Variants in CRADD observed in about 807,000 individuals in gnomAD.
CRADD encodes CARD and death domain containing adaptor protein.
Under a neutral mutation model 15.5 loss-of-function variants are expected in CRADD, and 9 were observed. That is an observed-to-expected ratio of 0.58 (90% confidence interval 0.35 to 1.01). The LOEUF (loss-of-function observed/expected upper bound fraction) is 1.01. Ranked by LOEUF, CRADD falls within the 50% of genes least tolerant of loss-of-function variation. CRADD has a pLI of 0.02. For synonymous variants in CRADD, 118 were observed against 107.6 expected (o/e 1.10, Z -0.60); for missense variants, 227 against 250.3 (o/e 0.91, Z 0.63).
rs573438161 is a variant in CRADD, at chr12:93,839,540, G to T, written c.299-10430G>T. Among the ~76,000 whole-genome samples, 4 of 152,286 alleles carry T rather than the reference G, an allele frequency of 2.6e-5. No individual in the cohort carries two copies. The East Asian group carries it at 7.7e-4, about 29-fold the overall frequency. On this transcript the variant is annotated intron_variant, in intron 2 of 2. Transcript: ENST00000332896. ...ACACTGCCAACTTGCTGGCCAGTAC[G>T]ACTGTCCGATCTTTATTTCCATTGG...
chr12:93,887,656 T>G (rs1477459876), intron 2 of CRADD, among the ~76,000 whole-genome samples: 1 of 152,226 alleles, frequency 6.6e-6, no homozygotes, highest in Non-Finnish European at 1.5e-5. Flanking sequence ...GCAAGCACAC[T>G]CTTTCCTAGT....
intron 2 of CRADD, among the ~76,000 whole-genome samples, chr12:93,680,924 G>T (rs1167635964): frequency 6.7e-6 from 1 of 150,354 alleles, no homozygotes; most frequent in Non-Finnish European, 1.5e-5. Flanking sequence ...CACTCTTGTT[G>T]CCCAGGCTGG....
intron 2 of CRADD, among the ~76,000 whole-genome samples, chr12:93,786,926 A>G (rs12302839): frequency 0.038 from 5,784 of 152,232 alleles, 272 homozygotes; most frequent in East Asian, 0.19. Context: ...GAATAATGTA[A>G]AGATGACCAA....
chr12:93,874,328 C>CT (rs568736302), intron 2 of CRADD, among the ~76,000 whole-genome samples: 3 of 151,788 alleles, frequency 2.0e-5, no homozygotes, highest in Non-Finnish European at 4.4e-5. Context: ...CATCTTTTCT[C>CT]TTTTTTTCTT....
rs1225571638 is a variant in CRADD, at chr12:93,681,980, T to C, written c.298+2908T>C. ...GAAATTATGCATTTAAACTTGATAGTTAACACCTTCTCTTGTTTCAGAACT... is the reference window on the plus strand; with the variant it reads ...GAAATTATGCATTTAAACTTGATAGCTAACACCTTCTCTTGTTTCAGAACT... On this transcript the variant is annotated intron_variant, in intron 2 of 2. Coordinates refer to ENST00000332896, the MANE Select transcript of CRADD (RefSeq NM_003805.5). 2.6e-5 allele frequency among the ~76,000 whole-genome samples: 4 copies of C among 152,332 alleles called. No homozygotes were observed. In the East Asian group the frequency reaches 7.7e-4, roughly 29 times the overall value.
intron 2 of CRADD, among the ~76,000 whole-genome samples, chr12:93,761,032 G>A (rs752639511): frequency 2.0e-5 from 3 of 152,082 alleles, no homozygotes; most frequent in Non-Finnish European, 4.4e-5. Flanking sequence ...TAGCGAACAG[G>A]GTGAGAAGGG....
At chr12:93,768,780 T>C (rs10777543) in intron 2 of CRADD, among the ~76,000 whole-genome samples, 76,034 of 151,910 alleles carry the variant, frequency 0.5, 19,596 homozygotes, top group East Asian at 0.81. Context: ...TTTACTGCCC[T>C]CTACTTAGGT....
intron 2 of CRADD, among the ~76,000 whole-genome samples, chr12:93,887,451 G>T (rs750277999): frequency 6.6e-6 from 1 of 152,226 alleles, no homozygotes; most frequent in Non-Finnish European, 1.5e-5. Context: ...CTGGCAAGAA[G>T]AAATTAAGCG....
intron 2 of CRADD, among the ~76,000 whole-genome samples, chr12:93,683,178 G>A (rs1340758516): frequency 6.6e-6 from 1 of 152,176 alleles, no homozygotes; most frequent in Non-Finnish European, 1.5e-5. Flanking sequence ...AAAGGAGGTT[G>A]ATGGCAGCCC....
chr12:93,802,250 C>A (rs1266564003), intron 2 of CRADD, among the ~76,000 whole-genome samples: 1 of 152,192 alleles, frequency 6.6e-6, no homozygotes, highest in Admixed American at 6.5e-5. Context: ...ACTTTTAGTT[C>A]TTTAAGGAAT....
chr12:93,847,380 GATAAAA>G (rs1036774914), intron 2 of CRADD, among the ~76,000 whole-genome samples: 1 of 144,502 alleles, frequency 6.9e-6, no homozygotes, highest in Non-Finnish European at 1.5e-5. Context: ...AATATAAAAA[GATAAAA>G]ATAATATAAA....
intron 2 of CRADD, among the ~76,000 whole-genome samples, chr12:93,890,431 C>T (rs1958568006): frequency 6.6e-6 from 1 of 152,124 alleles, no homozygotes; most frequent in Non-Finnish European, 1.5e-5. Flanking sequence ...AAGAATCTCC[C>T]AATTTTTAAA....
intron 2 of CRADD, among the ~76,000 whole-genome samples, chr12:93,877,772 G>T (rs889330614): frequency 3.9e-5 from 6 of 152,088 alleles, no homozygotes; most frequent in African/African-American, 1.4e-4. Flanking sequence ...GCCCAGGACA[G>T]GTCCAGAAAT....
rs544010025 is a variant in CRADD at position 93,757,990 on chromosome 12, A to C, written c.298+78918A>C. On this transcript the variant is annotated intron_variant, in intron 2 of 2. Coordinates refer to ENST00000332896, the MANE Select transcript of CRADD (RefSeq NM_003805.5). ...GTTGGACTCAGCATACATTGGAAGAAGAGGGCACAGGACCCTGTGTCAGAT... is the reference window on the plus strand; with the variant it reads ...GTTGGACTCAGCATACATTGGAAGACGAGGGCACAGGACCCTGTGTCAGAT... Among the ~76,000 whole-genome samples, 9 of 152,320 alleles carry C rather than the reference A, an allele frequency of 5.9e-5. No individual in the cohort carries two copies. The South Asian group carries it at 1.9e-3, about 32-fold the overall frequency.
intron 2 of CRADD, among the ~76,000 whole-genome samples, chr12:93,889,536 C>T (rs1958561773): frequency 1.3e-5 from 2 of 152,274 alleles, no homozygotes; most frequent in South Asian, 2.1e-4. Flanking sequence ...TCACCCTTGC[C>T]CTCCACTGCA....
chr12:93,834,482 A>G (rs1957952009), intron 2 of CRADD, among the ~76,000 whole-genome samples: 1 of 152,042 alleles, frequency 6.6e-6, no homozygotes, highest in South Asian at 2.1e-4. Context: ...GTTGTTTAAA[A>G]TTAGTTTGGT....
At chr12:93,815,260 C>G (rs559830658) in intron 2 of CRADD, 20 of 152,282 alleles carry the variant, frequency 1.3e-4, no homozygotes, top group Middle Eastern at 3.4e-3. Flanking sequence ...TAAGATTGTA[C>G]TTTATTTTGC....
In CRADD at chr12:93,824,119, T is replaced by A. The variant is rs1046987137; in HGVS notation, c.299-25851T>A. 6.6e-6 allele frequency among the ~76,000 whole-genome samples: 1 copy of A among 152,210 alleles called. No homozygotes were observed. The highest frequency in any genetic ancestry group is 1.5e-5 in the Non-Finnish European group (1 of 68,036). ...TTATTTGTAATACCCTACTTTGATG[T>A]TTCCTGGAAACTCTCCTTTGAGTCT... On this transcript the variant is annotated intron_variant, in intron 2 of 2. Coordinates refer to ENST00000332896, the MANE Select transcript of CRADD (RefSeq NM_003805.5). The surrounding 1 kb of genome is among the most constrained non-coding windows in gnomAD (Gnocchi z 4.3).
chr12:93,844,738 C>T (rs1958093373), intron 2 of CRADD, among the ~76,000 whole-genome samples: 1 of 152,152 alleles, frequency 6.6e-6, no homozygotes, highest in Non-Finnish European at 1.5e-5. Flanking sequence ...CAGTTAGAAA[C>T]AAAATCAAAC....
Sources: allele counts gnomAD v4.1 joint callset (sites outside exome capture counted in the v4.1 genomes callset), GRCh38; gene constraint gnomAD v4.1.1; non-coding constraint Gnocchi (gnomAD v3.1); transcripts MANE v1.5; gene names NCBI Gene and HGNC (gene_info 2026-07-23, HGNC 2026-07-21).